ASIP: variants seen among roughly 807,000 people sequenced by gnomAD.
ASIP encodes agouti signaling protein, also known as agouti-signaling protein.
A neutral mutation model predicts 10.3 loss-of-function variants in ASIP; 11 were observed. That is an observed-to-expected ratio of 1.07 (90% CI 0.68 to 1.78). The LOEUF (loss-of-function observed/expected upper bound fraction) is 1.78, where lower values mean the gene tolerates loss of function less well. Ranked by LOEUF, ASIP falls within the 40% of genes most tolerant of loss-of-function variation. The pLI is 0.00. For missense variants in ASIP, 180 were observed against 169.2 expected (o/e 1.06, Z -0.35); for synonymous variants, 70 against 70.8 (o/e 0.99, Z 0.06).
In ASIP at chr20:34,196,325, C is replaced by T. The variant is rs1238231110; in HGVS notation, c.-11+1565C>T. ...CTCCCGAGTAGCTACAGGCGCCCGC[C>T]ACCACGCCCAGCTAATTTTTTGTAT... is the stretch of plus-strand genomic sequence containing the variant. On this transcript the variant is annotated intron_variant, in intron 1 of 3. Coordinates refer to the ASIP transcript ENST00000568305. Among the ~76,000 whole-genome samples, 28 of 151,810 alleles carry T rather than the reference C, an allele frequency of 1.8e-4. 1 individual carries two copies. Among genetic ancestry groups the T allele is most frequent in the Admixed American group, 1.8e-3 (27 of 15,218 alleles).
intron 1 of ASIP, among the ~76,000 whole-genome samples, chr20:34,258,674 C>T (rs1401714526): frequency 1.2e-3 from 15 of 12,152 alleles, no homozygotes; most frequent in Admixed American, 1.9e-3. Context: ...AGGGGGATGC[C>T]ATATATATAT....
At chr20:34,234,458 C>A (rs540053626) in intron 1 of ASIP, among the ~76,000 whole-genome samples, 1 of 152,256 alleles carries the variant, frequency 6.6e-6, no homozygotes, top group Admixed American at 6.5e-5. Context: ...TGGGCGCTAT[C>A]AGCTTTCTTT....
chr20:34,214,678 T>C lies in ASIP; in HGVS notation c.-11+19918T>C, dbSNP rs1262866725. On this transcript the variant is annotated intron_variant, in intron 1 of 3. Coordinates refer to the ASIP transcript ENST00000568305. ...TCTATATTCTACAAACATGGCTTTATCTTGACCCTCATTTTCAAAGTTATA... is the reference window on the plus strand; with the variant it reads ...TCTATATTCTACAAACATGGCTTTACCTTGACCCTCATTTTCAAAGTTATA... The C allele has an allele frequency of 1.2e-5, 13 of 1,076,390 alleles. No homozygotes were observed. The Admixed American group carries it at 1.9e-4, about 15-fold the overall frequency. The allele number at this position is 1,076,390 out of a possible 1,614,324, so 66.7% of individuals were successfully genotyped here.
rs199940777 is a variant in ASIP at position 34,195,790 on chromosome 20, TTTTTG to T, written c.-11+1044_-11+1048del. On this transcript the variant is annotated intron_variant, in intron 1 of 3. Transcript: ENST00000568305. ...GCCAAAATTGAGACAATTACCTTTT[TTTTTG>T]TTTTGTTTTGTTTGTTTTTTTTGCT... is the stretch of plus-strand genomic sequence containing the variant. Among the ~76,000 whole-genome samples, 757 of 152,098 alleles carry T rather than the reference TTTTTG, an allele frequency of 5.0e-3. 11 individuals are homozygous for T. The East Asian group carries it at 0.058, about 12-fold the overall frequency.
chr20:34,262,752 C>G (rs1359508156), intron 2 of ASIP, 80 bp from the exon 3 acceptor site: 14 of 1,515,582 alleles, frequency 9.2e-6, no homozygotes, highest in Non-Finnish European at 1.2e-5. Flanking sequence ...ACTTCCCAAG[C>G]CCCCTCTGCC....
At chr20:34,194,691 A>G (rs911551745) in exon 1 of ASIP, 1 of 152,058 alleles carries the variant, frequency 6.6e-6, no homozygotes, top group African/African-American at 2.4e-5. Flanking sequence ...TTTGATCTGG[A>G]ATTATCTATT....
chr20:34,214,745 T>C (rs925550697), intron 1 of ASIP: 13 of 1,217,552 alleles, frequency 1.1e-5, no homozygotes, highest in Admixed American at 1.7e-5. Flanking sequence ...GCCAACATGA[T>C]TGCCTCCACA....
At chr20:34,192,631 G>A (rs898664509), upstream of ASIP, among the ~76,000 whole-genome samples, 1 of 150,170 alleles carries the variant, frequency 6.7e-6, no homozygotes, top group East Asian at 2.0e-4. Flanking sequence ...CTATTCTTTT[G>A]TGAAGAACAG....
chr20:34,241,449 A>T lies in ASIP; in HGVS notation c.-51A>T, dbSNP rs2035282234. On this transcript the variant is annotated 5_prime_UTR_variant, in exon 1 of 4. Coordinates refer to ENST00000374954, the MANE Select transcript of ASIP (RefSeq NM_001672.3). ...GCAAATCTCTACAGCTGCAAGGTGAAAAAGGAAGTTCCTTGGCCTGGGCTC... is the reference window on the plus strand; with the variant it reads ...GCAAATCTCTACAGCTGCAAGGTGATAAAGGAAGTTCCTTGGCCTGGGCTC... 1 of 985,460 alleles carries T rather than the reference A, an allele frequency of 1.0e-6. No individual in the cohort carries two copies. 61.0% of individuals were successfully genotyped at this position (985,460 alleles called of 1,614,324 possible).
At chr20:34,201,046 TTC>T (rs1375934503) in intron 1 of ASIP, among the ~76,000 whole-genome samples, 1 of 111,664 alleles carries the variant, frequency 9.0e-6, no homozygotes, top group African/African-American at 3.3e-5. Context: ...CTTTCTTTCT[TTC>T]TTTCTTTCTT....
chr20:34,214,521 T>C (rs1453652886), intron 1 of ASIP: 61 of 1,507,912 alleles, frequency 4.0e-5, no homozygotes, highest in Non-Finnish European at 5.3e-5. Context: ...GCAATCTTAT[T>C]GCTACTTCAA....
the ASIP span, among the ~76,000 whole-genome samples, chr20:34,187,409 A>G: frequency 2.0e-5 from 3 of 152,210 alleles, no homozygotes; most frequent in African/African-American, 7.2e-5. Context: ...TTCTTCTCAG[A>G]GAAAAAATCA....
intron 1 of ASIP, among the ~76,000 whole-genome samples, chr20:34,242,637 G>T (rs577673824): frequency 3.9e-5 from 6 of 152,334 alleles, no homozygotes; most frequent in Admixed American, 2.6e-4. Context: ...TTTCATAAAT[G>T]TCTGTCTCAA....
chr20:34,215,206 A>G (rs1339065824), intron 1 of ASIP: 1 of 1,599,428 alleles, frequency 6.3e-7, no homozygotes, highest in Non-Finnish European at 8.6e-7. Flanking sequence ...ACCTAGCAGC[A>G]TATTTATAAA....
At chr20:34,210,073 A>G (rs1183457865) in intron 1 of ASIP, among the ~76,000 whole-genome samples, 2 of 152,154 alleles carry the variant, frequency 1.3e-5, no homozygotes, top group African/African-American at 2.4e-5. Context: ...CTATTTTGTC[A>G]CTCAGTAAAG....
At chr20:34,201,835 C>T (rs2034901960) in intron 1 of ASIP, among the ~76,000 whole-genome samples, 1 of 152,176 alleles carries the variant, frequency 6.6e-6, no homozygotes, top group African/African-American at 2.4e-5. Flanking sequence ...TAATGAGGTT[C>T]TGTTATAAAG....
chr20:34,215,640 A>G (rs1313254597), intron 1 of ASIP: 4 of 1,473,118 alleles, frequency 2.7e-6, no homozygotes, highest in East Asian at 2.3e-5. Context: ...TGCAGCCATG[A>G]TATGAGCGTC....
intron 1 of ASIP, among the ~76,000 whole-genome samples, chr20:34,247,331 C>T (rs1368378690): frequency 6.9e-6 from 1 of 144,636 alleles, no homozygotes; most frequent in Non-Finnish European, 1.5e-5. Context: ...GACAGAGTCT[C>T]CTTCTGTTGC....
At chr20:34,247,404 G>T (rs183291383) in intron 1 of ASIP, among the ~76,000 whole-genome samples, 1 of 150,610 alleles carries the variant, frequency 6.6e-6, no homozygotes, top group Non-Finnish European at 1.5e-5. Flanking sequence ...GGGTTCAAGC[G>T]ATTCTCCTGC....
Sources: allele counts gnomAD v4.1 joint callset (sites outside exome capture counted in the v4.1 genomes callset), GRCh38; gene constraint gnomAD v4.1.1; transcripts MANE v1.5; gene names NCBI Gene and HGNC (gene_info 2026-07-23, HGNC 2026-07-21).